FRMD6: variants seen among roughly 807,000 people sequenced by gnomAD.
FRMD6 encodes the protein FERM domain containing 6, also known as FERM domain-containing protein 6.
A neutral mutation model predicts 73.2 loss-of-function variants in FRMD6; 37 were observed. That is an observed-to-expected ratio of 0.51 (90% CI 0.39 to 0.66). The LOEUF is 0.66. FRMD6 is among the 30% of genes least tolerant of loss of function. The probability of loss-of-function intolerance (pLI) is 0.00; values close to 1 mark genes in which losing one functional copy is unlikely to be tolerated. For synonymous variants in FRMD6, 273 were observed against 282.2 expected (o/e 0.97, Z 0.33); for missense variants, 714 against 780.5 (o/e 0.91, Z 1.02).
chr14:51,397,243 G>C, the FRMD6 span: 2 of 152,490 alleles, frequency 1.3e-5, no homozygotes, highest in African/African-American at 4.8e-5. Flanking sequence ...GGCAGAAAGA[G>C]AGCATTCCAA....
At chr14:51,600,232 C>T (rs568270812) in intron 2 of FRMD6, among the ~76,000 whole-genome samples, 18 of 152,222 alleles carry the variant, frequency 1.2e-4, no homozygotes, top group South Asian at 2.1e-4. Context: ...CACAGAAATA[C>T]GGTCGATAGC....
At chr14:51,718,763 A>G (rs1203111029) in intron 10 of FRMD6, among the ~76,000 whole-genome samples, 1 of 152,240 alleles carries the variant, frequency 6.6e-6, no homozygotes, top group Non-Finnish European at 1.5e-5. Flanking sequence ...TCCTTAGAAC[A>G]ATGTGAATAG....
chr14:51,639,112 T>C (rs1190646163), intron 2 of FRMD6, among the ~76,000 whole-genome samples: 1 of 152,094 alleles, frequency 6.6e-6, no homozygotes, highest in Non-Finnish European at 1.5e-5. Flanking sequence ...GGACTTTTCT[T>C]TTCCTTTGTT....
chr14:51,633,666 T>C (rs2139992045), intron 2 of FRMD6, among the ~76,000 whole-genome samples: 1 of 138,820 alleles, frequency 7.2e-6, no homozygotes, highest in African/African-American at 2.7e-5. Context: ...AAAATTGTAA[T>C]AAAAAGCAGT....
At chr14:51,595,640 C>T (rs1889672238) in intron 2 of FRMD6, among the ~76,000 whole-genome samples, 1 of 152,148 alleles carries the variant, frequency 6.6e-6, no homozygotes. Flanking sequence ...AGGGGAAGCC[C>T]TTCTGTTTCA....
intron 1 of FRMD6, among the ~76,000 whole-genome samples, chr14:51,515,392 G>T (rs1177557683): frequency 2.0e-5 from 3 of 152,218 alleles, no homozygotes; most frequent in Admixed American, 6.5e-5. Flanking sequence ...CCTACTGGCT[G>T]CCTCCCTGAA....
chr14:51,641,686 G>A (rs1891816749), intron 2 of FRMD6, among the ~76,000 whole-genome samples: 1 of 152,144 alleles, frequency 6.6e-6, no homozygotes, highest in Non-Finnish European at 1.5e-5. Context: ...TAACTGCCCT[G>A]ACTCACAGGG....
chr14:51,724,480 A>G (rs1055041501), intron 12 of FRMD6, among the ~76,000 whole-genome samples: 1 of 152,256 alleles, frequency 6.6e-6, no homozygotes, highest in African/African-American at 2.4e-5. Flanking sequence ...ATCCTCTACT[A>G]AAGCCATTTG....
At chr14:51,623,870 T>G (rs1017783686) in intron 2 of FRMD6, among the ~76,000 whole-genome samples, 11 of 152,336 alleles carry the variant, frequency 7.2e-5, no homozygotes, top group African/African-American at 2.6e-4. Context: ...AGATGCTGTA[T>G]GTCAATTATA....
intron 1 of FRMD6, among the ~76,000 whole-genome samples, chr14:51,527,605 A>G (rs193093780): frequency 2.7e-3 from 408 of 152,328 alleles, no homozygotes; most frequent in African/African-American, 9.3e-3. Context: ...ACTGAATAAC[A>G]GGTTTCATGA....
the FRMD6 span, among the ~76,000 whole-genome samples, chr14:51,422,839 CA>C: frequency 2.0e-5 from 3 of 152,178 alleles, no homozygotes. Context: ...GTGCTGTTCA[CA>C]AATATTGCCC....
chr14:51,666,333 A>G (rs1466389547), intron 1 of FRMD6, among the ~76,000 whole-genome samples: 1 of 152,170 alleles, frequency 6.6e-6, no homozygotes, highest in Non-Finnish European at 1.5e-5. Context: ...CTAATGACTA[A>G]TATTGTTTTA....
chr14:51,605,069 C>G (rs1361013854), intron 2 of FRMD6, among the ~76,000 whole-genome samples: 1 of 151,944 alleles, frequency 6.6e-6, no homozygotes, highest in Admixed American at 6.5e-5. Flanking sequence ...ATCTCTACCC[C>G]TGCCTGGCCA....
chr14:51,607,917 G>A (rs1890330803), intron 2 of FRMD6, among the ~76,000 whole-genome samples: 1 of 152,190 alleles, frequency 6.6e-6, no homozygotes. Flanking sequence ...CACTTGCTTT[G>A]CAGTGTGTCT....
the FRMD6 span, among the ~76,000 whole-genome samples, chr14:51,409,644 G>T: frequency 1.3e-5 from 2 of 152,066 alleles, no homozygotes; most frequent in Non-Finnish European, 2.9e-5. Flanking sequence ...TATCACCCAG[G>T]TTGGGGTGCA....
At chr14:51,670,643 G>A (rs555407091) in intron 1 of FRMD6, among the ~76,000 whole-genome samples, 13 of 151,106 alleles carry the variant, frequency 8.6e-5, no homozygotes, top group African/African-American at 3.1e-4. Context: ...TATTTAGTTA[G>A]GTCTTTTTTT....
chr14:51,674,880 T>A (rs1215707504), intron 1 of FRMD6, among the ~76,000 whole-genome samples: 1 of 152,122 alleles, frequency 6.6e-6, no homozygotes, highest in Non-Finnish European at 1.5e-5. Flanking sequence ...GCTCTTCAGT[T>A]ACTCATTCCT....
At chr14:51,505,079 G>C (rs1342107244) in intron 1 of FRMD6, among the ~76,000 whole-genome samples, 1 of 152,126 alleles carries the variant, frequency 6.6e-6, no homozygotes, top group Non-Finnish European at 1.5e-5. Flanking sequence ...ATCTCCAATG[G>C]GGAAGCAGAA....
At chr14:51,499,709 A>T (rs1883493596) in intron 1 of FRMD6, among the ~76,000 whole-genome samples, 1 of 152,270 alleles carries the variant, frequency 6.6e-6, no homozygotes, top group Non-Finnish European at 1.5e-5. Flanking sequence ...AGCAGAAATC[A>T]GAGCAACAGT....
Sources: allele counts gnomAD v4.1 joint callset (sites outside exome capture counted in the v4.1 genomes callset), GRCh38; gene constraint gnomAD v4.1.1; transcripts MANE v1.5; gene names NCBI Gene and HGNC (gene_info 2026-07-23, HGNC 2026-07-21).